The following RYR2 variants were observed in gnomAD, a reference collection of about 807,000 sequenced individuals.
RYR2 encodes the protein ryanodine receptor 2.
A neutral mutation model predicts 601.1 loss-of-function variants in RYR2; 227 were observed. The ratio of observed to expected loss-of-function variants is 0.38; its 90% CI spans 0.34 to 0.42. The LOEUF (loss-of-function observed/expected upper bound fraction) is 0.42, where lower values mean the gene tolerates loss of function less well. Among genes scored for constraint, RYR2 ranks in the 10% least tolerant of loss-of-function variants. The pLI is 1.00. For missense variants in RYR2, 4,646 were observed against 6,156.5 expected (o/e 0.75, Z 8.21); for synonymous variants, 2,223 against 2,175.1 (o/e 1.02, Z -0.61).
rs1454560202 is a variant in RYR2 at position 237,180,732 on chromosome 1, A to T, written c.49-89765A>T. Reference sequence around the variant, plus strand: ...TACACATATATACATATACATAGATATATGCTATTATATAATAAATATTAA... The same window carrying T: ...TACACATATATACATATACATAGATTTATGCTATTATATAATAAATATTAA... On this transcript the variant is annotated intron_variant, in intron 1 of 104. Transcript: ENST00000366574. This position sits in a 1 kb window ranked among gnomAD's most constrained non-coding sequence, Gnocchi z 5.3. 6.8e-6 allele frequency among the ~76,000 whole-genome samples: 1 copy of T among 147,940 alleles called. No individual in the cohort carries two copies.
chr1:237,234,081 A>T (rs1030285926), intron 1 of RYR2, among the ~76,000 whole-genome samples: 1 of 152,144 alleles, frequency 6.6e-6, no homozygotes, highest in Non-Finnish European at 1.5e-5. Context: ...ATATACATGA[A>T]ATACTGTTTA....
At chr1:237,435,290 G>GT (rs1707230380) in intron 12 of RYR2, among the ~76,000 whole-genome samples, 1 of 152,104 alleles carries the variant, frequency 6.6e-6, no homozygotes, top group Non-Finnish European at 1.5e-5. Context: ...TTAAGATGCT[G>GT]TTTTTTTATC....
chr1:237,590,373 A>G (rs1675018397), intron 30 of RYR2, among the ~76,000 whole-genome samples: 1 of 152,146 alleles, frequency 6.6e-6, no homozygotes, highest in Non-Finnish European at 1.5e-5. Flanking sequence ...GATGAAAAAT[A>G]CTTTCCTTTT....
At chr1:237,703,595 T>C (rs1688133137) in intron 66 of RYR2, among the ~76,000 whole-genome samples, 1 of 148,032 alleles carries the variant, frequency 6.8e-6, no homozygotes, top group South Asian at 2.1e-4. Context: ...ATAAAATATA[T>C]ACATAAAACA....
chr1:237,641,620 C>T (rs1681555700), intron 47 of RYR2, among the ~76,000 whole-genome samples: 1 of 151,850 alleles, frequency 6.6e-6, no homozygotes. Context: ...CAGCTCACTG[C>T]AATCTATGCC....
intron 29 of RYR2, among the ~76,000 whole-genome samples, chr1:237,587,373 T>G (rs974201556): frequency 3.3e-5 from 5 of 152,164 alleles, no homozygotes; most frequent in African/African-American, 1.2e-4. Context: ...AATAAAATTT[T>G]AAAAATGAAA....
chr1:237,474,981 G>T (rs571404784), intron 17 of RYR2, among the ~76,000 whole-genome samples: 13 of 152,328 alleles, frequency 8.5e-5, no homozygotes, highest in African/African-American at 2.4e-4. Context: ...AATATTTACA[G>T]CCAGGCAACT....
At chr1:237,548,758 T>C (rs545625292) in intron 26 of RYR2, among the ~76,000 whole-genome samples, 168 bp downstream of exon 26, 38 of 152,342 alleles carry the variant, frequency 2.5e-4, no homozygotes, top group African/African-American at 9.1e-4. Flanking sequence ...AGAATTTACA[T>C]GACCTTAGTT....
At chr1:237,504,463 A>G (rs373247849) in intron 22 of RYR2, among the ~76,000 whole-genome samples, 47 of 152,288 alleles carry the variant, frequency 3.1e-4, no homozygotes, top group African/African-American at 1.1e-3. Flanking sequence ...GAAACAAATC[A>G]CAATGGTGGA....
chr1:237,664,746 T>C (rs1476991995), intron 56 of RYR2, among the ~76,000 whole-genome samples: 1 of 152,168 alleles, frequency 6.6e-6, no homozygotes, highest in South Asian at 2.1e-4. Flanking sequence ...TAACCCGAGA[T>C]GGTTGCCATG....
At chr1:237,171,350 T>C (rs1409755046) in intron 1 of RYR2, among the ~76,000 whole-genome samples, 2 of 152,152 alleles carry the variant, frequency 1.3e-5, no homozygotes, top group Non-Finnish European at 2.9e-5. Flanking sequence ...TTGATACAGA[T>C]ACTGATGTTT....
At position 237,591,867 on chromosome 1, in the gene RYR2, G is replaced by T; in HGVS notation, c.4275+14G>T. The T allele has an allele frequency of 1.3e-6, 2 of 1,590,610 alleles. No individual in the cohort carries two copies. Among genetic ancestry groups the T allele is most frequent in the Non-Finnish European group, 1.7e-6 (2 of 1,163,098 alleles). ...CAAACGTCCACGGTATGAGGTTGCA[G>T]CTTTTGTCGTTTATTTCTATCTGTC... On this transcript the variant is annotated intron_variant, in intron 32 of 104. Transcript: ENST00000366574.
At chr1:237,451,978 GTATGTGTGTT>G (rs1340700661) in intron 14 of RYR2, among the ~76,000 whole-genome samples, 6 of 149,432 alleles carry the variant, frequency 4.0e-5, no homozygotes, top group East Asian at 2.0e-4. Flanking sequence ...TACTGTGTGT[GTATGTGTGTT>G]TGTGTGTGTG....
At chr1:237,308,323 C>T (rs34548782) in intron 2 of RYR2, among the ~76,000 whole-genome samples, 51,271 of 151,978 alleles carry the variant, frequency 0.34, 8,868 homozygotes, top group South Asian at 0.5. Flanking sequence ...AGGGTGGACA[C>T]GTTCCTCCTC....
rs1300485038 is a variant in RYR2, at chr1:237,074,963, G to A, written c.48+32394G>A. ...GGATTGTGCAGCCAGGTCTCGGAGA[G>A]GGATCTGGGCTGATTCCACATGTTT... On this transcript the variant is annotated intron_variant, in intron 1 of 104. Transcript: ENST00000366574. Among the ~76,000 whole-genome samples, 3 of 152,308 alleles carry A rather than the reference G, an allele frequency of 2.0e-5. No homozygotes were observed. The South Asian group carries it at 6.2e-4, about 32-fold the overall frequency.
intron 102 of RYR2, chr1:237,830,261 C>T (rs555151337): frequency 7.4e-4 from 247 of 334,680 alleles, no homozygotes; most frequent in Non-Finnish European, 1.2e-3. Flanking sequence ...AAGGAAGAGA[C>T]GTTGCTTTTC....
intron 17 of RYR2, among the ~76,000 whole-genome samples, chr1:237,480,857 C>T (rs1661988073): frequency 6.6e-6 from 1 of 152,028 alleles, no homozygotes; most frequent in African/African-American, 2.4e-5. Flanking sequence ...CTTTTATCTT[C>T]ACTAACTTCC....
intron 38 of RYR2, among the ~76,000 whole-genome samples, chr1:237,620,399 T>C (rs1293584769): frequency 2.0e-5 from 3 of 152,096 alleles, no homozygotes; most frequent in Non-Finnish European, 4.4e-5. Flanking sequence ...AAGTAATGCA[T>C]AGCATAGCAA....
intron 1 of RYR2, among the ~76,000 whole-genome samples, chr1:237,141,882 G>C (rs908775046): frequency 6.6e-6 from 1 of 152,220 alleles, no homozygotes; most frequent in Non-Finnish European, 1.5e-5. Flanking sequence ...GGTTCAAGCA[G>C]TGGACATATG....
Sources: gnomAD v4.1 joint callset for allele counts (sites outside exome capture counted in the v4.1 genomes callset) on GRCh38, gnomAD v4.1.1 for gene constraint, Gnocchi (gnomAD v3.1) non-coding constraint, MANE v1.5 for transcripts, NCBI Gene and HGNC (gene_info 2026-07-23, HGNC 2026-07-21) for gene names.